Variants in ZNFX1 observed in about 807,000 individuals in gnomAD.
ZNFX1 encodes the protein NFX1-type zinc finger-containing protein 1.
Under a neutral mutation model 179.8 loss-of-function variants are expected in ZNFX1, and 78 were observed. That is an observed-to-expected ratio of 0.43 (90% CI 0.36 to 0.52). ZNFX1 has a LOEUF of 0.52. Among genes scored for constraint, ZNFX1 ranks in the 20% least tolerant of loss-of-function variants. ZNFX1 has a pLI of 0.00. For synonymous variants in ZNFX1, 848 were observed against 868.5 expected, an observed-to-expected ratio of 0.98 and a Z score of 0.42; for missense variants, 1,927 against 2,386.6, an observed-to-expected ratio of 0.81 and a Z score of 4.01.
intron 13 of ZNFX1, among the ~76,000 whole-genome samples, chr20:49,250,956 G>A (rs373086929): frequency 6.6e-6 from 1 of 152,124 alleles, no homozygotes; most frequent in Non-Finnish European, 1.5e-5. Context: ...TGATTCGCCC[G>A]CCTCGGCCTC....
chr20:49,267,898 G>C (rs1398835118), intron 3 of ZNFX1, among the ~76,000 whole-genome samples: 2 of 150,734 alleles, frequency 1.3e-5, no homozygotes, highest in Admixed American at 1.3e-4. Flanking sequence ...TTTTGAGGTG[G>C]AGTCTTGCTC....
chr20:49,271,169 T>C lies in ZNFX1; in HGVS notation c.643A>G (p.Lys215Glu). 1.2e-6 allele frequency: 2 copies of C among 1,614,138 alleles called. No homozygotes were observed. Among genetic ancestry groups the C allele is most frequent in the South Asian group, 1.1e-5 (1 of 91,076 alleles). ...LHVLGILKNS[K>E]FLKVCLPAYV... ...GCAGGCAGGCAGACTTTGAGAAATT[T>C]GGAGTTTTTCAATATGCCCAGTACA... Residue 215 changes from lysine to glutamate, a missense_variant, in exon 3 of 14, where the codon AAA becomes GAA. Transcript: ENST00000396105.
chr20:49,256,027 C>T (rs771607424), intron 8 of ZNFX1, 80 bp from the exon 9 acceptor site: 17 of 1,530,604 alleles, frequency 1.1e-5, no homozygotes, highest in Admixed American at 2.0e-5. Flanking sequence ...GGTCACAGCA[C>T]GTAAGAAAAA....
chr20:49,263,712 G>A lies in ZNFX1; in HGVS notation c.2152-229C>T, dbSNP rs188553915. On this transcript the variant is annotated intron_variant, in intron 5 of 13. Coordinates refer to ENST00000396105, the MANE Select transcript of ZNFX1 (RefSeq NM_021035.3). Reference sequence around the variant, plus strand: ...TGCCTGTAATACCAGCATTTTAGGAGGCCAAGGCAGGTGGATCACTTGAGG... The same window carrying A: ...TGCCTGTAATACCAGCATTTTAGGAAGCCAAGGCAGGTGGATCACTTGAGG... Among the ~76,000 whole-genome samples the A allele has an allele frequency of 2.7e-4, 41 of 152,346 alleles. No homozygotes were observed. The South Asian group carries it at 8.1e-3, about 30-fold the overall frequency.
At chr20:49,254,778 A>G in intron 9 of ZNFX1, 129 bp from the exon 10 acceptor site, 1 of 1,044,778 alleles carries the variant, frequency 9.6e-7, no homozygotes, top group South Asian at 1.7e-5. Context: ...ACAGAGAGAT[A>G]CATTCAGGGA....
In ZNFX1 at chr20:49,247,497, G is replaced by A. The variant is rs773943766; in HGVS notation, c.5527C>T (p.Arg1843Cys). The A allele has an allele frequency of 1.9e-6, 3 of 1,614,134 alleles. No individual in the cohort carries two copies. Among genetic ancestry groups the A allele is most frequent in the South Asian group, 2.2e-5 (2 of 91,078 alleles). Residue 1843 changes from arginine (R) to cysteine (C), a missense_variant, in exon 14 of 14, where the codon CGT (arginine) becomes TGT (cysteine). By Grantham distance (180) the Arg-to-Cys change is radical. Coordinates refer to ENST00000396105, the MANE Select transcript of ZNFX1 (RefSeq NM_021035.3). ...TTGCGGCACTTGAACCAGTGACCACGAGGATAACCTATGGCACTGACAATC... is the reference window on the plus strand; with the variant it reads ...TTGCGGCACTTGAACCAGTGACCACAAGGATAACCTATGGCACTGACAATC... ...VQIVSAIGYP[R>C]GHWFKCRNGH...
intron 13 of ZNFX1, 33 bp downstream of exon 13, chr20:49,251,494 C>G: frequency 6.3e-7 from 1 of 1,584,638 alleles, no homozygotes; most frequent in Non-Finnish European, 8.6e-7. Flanking sequence ...GTTGCTGACA[C>G]CATCCAAGAA....
chr20:49,277,064 G>A, intron 1 of ZNFX1, among the ~76,000 whole-genome samples: 1 of 152,152 alleles, frequency 6.6e-6, no homozygotes, highest in East Asian at 1.9e-4. Flanking sequence ...ACATGAACAG[G>A]AAATGCTGGG....
Position 49,271,083 on chromosome 20 carries a change from G to C in ZNFX1, c.729C>G (p.His243Gln). ...GGAGGAGGGAGATGATGTTGCTTATGTGCTCTGGATACTGGTTTCGGATGT... is the reference window on the plus strand; with the variant it reads ...GGAGGAGGGAGATGATGTTGCTTATCTGCTCTGGATACTGGTTTCGGATGT... ...IPDIRNQYPE[H>Q]ISNIISLLQD... is the part of the protein sequence containing the mutation. Residue 243 changes from histidine (H) to glutamine (Q), a missense_variant, in exon 3 of 14, where the codon CAC becomes CAG. His to Gln is a conservative substitution (Grantham distance 24, BLOSUM62 0). Transcript: ENST00000396105. The C allele has an allele frequency of 1.2e-6, 2 of 1,614,194 alleles. No individual in the cohort carries two copies. Among genetic ancestry groups the C allele is most frequent in the Non-Finnish European group, 1.7e-6 (2 of 1,180,034 alleles).
In ZNFX1 at chr20:49,247,254, G is replaced by T; in HGVS notation, c.*13C>A. 1 of 1,590,360 alleles carries T rather than the reference G, an allele frequency of 6.3e-7. No individual in the cohort carries two copies. Among genetic ancestry groups the T allele is most frequent in the Middle Eastern group, 1.7e-4 (1 of 5,922 alleles). ...TCAGTGGCGAGGGCAAAAGGCAGTGGTGTACCATCTTCCTACATCATCCCC... is the reference window on the plus strand; with the variant it reads ...TCAGTGGCGAGGGCAAAAGGCAGTGTTGTACCATCTTCCTACATCATCCCC... On this transcript the variant is annotated 3_prime_UTR_variant, in exon 14 of 14. Coordinates refer to ENST00000396105, the MANE Select transcript of ZNFX1 (RefSeq NM_021035.3).
At position 49,247,313 on chromosome 20, in the gene ZNFX1, G is replaced by C; in HGVS notation, c.5711C>G (p.Thr1904Arg). The C allele has an allele frequency of 6.2e-7, 1 of 1,613,790 alleles. No individual in the cohort carries two copies. Among genetic ancestry groups the C allele is most frequent in the Non-Finnish European group, 8.5e-7 (1 of 1,179,802 alleles). The change falls in exon 14 of 14, where the codon ACG (threonine) becomes AGG (arginine). Residue 1904 changes from threonine to arginine, a missense_variant. Physicochemically the swap from Thr to Arg is moderately conservative, Grantham distance 71. Coordinates refer to ENST00000396105, the MANE Select transcript of ZNFX1 (RefSeq NM_021035.3). ...CTCAAAGTTCATCAGGTTGTTGGCC[G>C]TGTCAGACCAGGCAGCATGCTGGGC... ...DGAQHAAWSD[T>R]ANNLMNFEEI...
chr20:49,264,351 T>C (rs1378975317), intron 5 of ZNFX1, among the ~76,000 whole-genome samples: 1 of 152,214 alleles, frequency 6.6e-6, no homozygotes, highest in Non-Finnish European at 1.5e-5. Context: ...GCTCACAATA[T>C]CTGTTCTCTC....
intron 6 of ZNFX1, 75 bp from the exon 7 acceptor site, chr20:49,260,652 A>C: frequency 9.0e-7 from 1 of 1,115,668 alleles, no homozygotes; most frequent in East Asian, 2.6e-5. Flanking sequence ...TCAAAGAATC[A>C]AAAGCAGATT....
intron 5 of ZNFX1, 146 bp downstream of exon 5, chr20:49,264,570 G>T: frequency 5.1e-6 from 5 of 973,512 alleles, no homozygotes; most frequent in South Asian, 1.6e-5. Context: ...CAAGGGATTG[G>T]CAGAATAGAA....
chr20:49,254,034 T>C (rs1043564547), intron 10 of ZNFX1, among the ~76,000 whole-genome samples: 2 of 125,512 alleles, frequency 1.6e-5, no homozygotes, highest in African/African-American at 7.0e-5. Context: ...TTTTTCTTTT[T>C]TTTTTTTTCT....
chr20:49,277,537 A>G (rs1408919830), intron 1 of ZNFX1, among the ~76,000 whole-genome samples: 1 of 150,676 alleles, frequency 6.6e-6, no homozygotes, highest in Non-Finnish European at 1.5e-5. Context: ...GGGAGGGCAC[A>G]GACAGGGGTA....
At chr20:49,251,432 C>T (rs1410075247) in intron 13 of ZNFX1, 95 bp downstream of exon 13, 51 of 1,135,532 alleles carry the variant, frequency 4.5e-5, no homozygotes, top group Non-Finnish European at 6.1e-5. Context: ...TGAGCCACCG[C>T]GCCTGGCCGC....
chr20:49,266,070 C>T, intron 4 of ZNFX1, 65 bp downstream of exon 4: 2 of 1,559,678 alleles, frequency 1.3e-6, no homozygotes, highest in Non-Finnish European at 1.7e-6. Flanking sequence ...TAGAAAGCTA[C>T]TGAAGTTGCT....
chr20:49,263,683 C>G (rs143484644), intron 5 of ZNFX1, among the ~76,000 whole-genome samples, 200 bp from the exon 6 acceptor site: 231 of 152,316 alleles, frequency 1.5e-3, no homozygotes, highest in Middle Eastern at 3.4e-3. Context: ...AGTGTGGTGG[C>G]TCATGCCTGT....
Sources: gnomAD v4.1 joint callset for allele counts (sites outside exome capture counted in the v4.1 genomes callset) on GRCh38, gnomAD v4.1.1 for gene constraint, MANE v1.5 for transcripts, NCBI Gene and HGNC (gene_info 2026-07-23, HGNC 2026-07-21) for gene names.